ZNF565: variants seen among roughly 807,000 people sequenced by gnomAD.
ZNF565 encodes the protein zinc finger protein 565.
Under a neutral mutation model 39.4 loss-of-function variants are expected in ZNF565, and 27 were observed. That is an observed-to-expected ratio of 0.69 (90% CI 0.51 to 0.95). The LOEUF (loss-of-function observed/expected upper bound fraction) is 0.95. Ranked by LOEUF, ZNF565 falls within the 40% of genes least tolerant of loss-of-function variation. ZNF565 has a pLI of 0.00. For synonymous variants in ZNF565, 185 were observed against 216.6 expected (o/e 0.85, Z 1.28); for missense variants, 524 against 621.1 (o/e 0.84, Z 1.66).
rs1424414925 is a variant in ZNF565 at position 36,194,600 on chromosome 19, T to C, written c.137-272A>G. 10 of 475,894 alleles carry C rather than the reference T, an allele frequency of 2.1e-5. No homozygotes were observed. In the South Asian group the frequency reaches 2.1e-4, roughly 10 times the overall value. 29.5% of individuals were successfully genotyped at this position (475,894 alleles called of 1,614,324 possible). On this transcript the variant is annotated intron_variant, in intron 3 of 4. Transcript: ENST00000304116. ...ATTCCAGAAGGGTAGTCCTGAATTA[T>C]GTGGAGTAAATGTGTGGTGATCACT...
upstream of ZNF565, among the ~76,000 whole-genome samples, chr19:36,216,809 G>A (rs182898520): frequency 1.1e-3 from 122 of 112,838 alleles, no homozygotes; most frequent in Middle Eastern, 4.7e-3. Context: ...GGGGAGATGG[G>A]GACCCAACAC....
chr19:36,240,676 C>G (rs1271568866), intron 1 of ZNF565, among the ~76,000 whole-genome samples: 1 of 152,018 alleles, frequency 6.6e-6, no homozygotes, highest in South Asian at 2.1e-4. Flanking sequence ...CAATACCAGC[C>G]TGGCCAACAT....
rs918797956 is a variant in ZNF565, at chr19:36,237,486, G to A, written c.55+7990C>T. 39 of 754,534 alleles carry A rather than the reference G, an allele frequency of 5.2e-5. No homozygotes were observed. The East Asian group carries it at 8.6e-4, about 17-fold the overall frequency. The allele number at this position is 754,534 out of a possible 1,614,324, so 46.7% of individuals were successfully genotyped here. A position where few individuals can be genotyped will look rare whatever the true frequency, so the allele number is the denominator to read the frequency against. On this transcript the variant is annotated intron_variant, in intron 1 of 4. Coordinates refer to the ZNF565 transcript ENST00000355114. ...AAATTTGTACTGAAGAGAAAGACAT[G>A]CATATGATTAAAACCCTGTGTCCAA... is the stretch of plus-strand genomic sequence containing the variant.
chr19:36,199,444 A>C (rs546777596), intron 2 of ZNF565, among the ~76,000 whole-genome samples: 1 of 151,858 alleles, frequency 6.6e-6, no homozygotes, highest in South Asian at 2.1e-4. Flanking sequence ...GTGGGCTTCT[A>C]TTGCAAACAC....
rs575262874 is a variant in ZNF565, at chr19:36,188,747, A to C, written c.233-5014T>G. Among the ~76,000 whole-genome samples, 9 of 152,180 alleles carry C rather than the reference A, an allele frequency of 5.9e-5. No homozygotes were observed. In the South Asian group the frequency reaches 1.9e-3, roughly 32 times the overall value. ...AAAAACAAAACAACAACAACAACAA[A>C]AAACAGATGAGTGAATAAACAAAGT... is the stretch of plus-strand genomic sequence containing the variant. On this transcript the variant is annotated intron_variant, in intron 4 of 4. Coordinates refer to ENST00000304116, the MANE Select transcript of ZNF565 (RefSeq NM_152477.5).
At chr19:36,206,893 CAA>C (rs543230438) in intron 1 of ZNF565, among the ~76,000 whole-genome samples, 161 of 152,176 alleles carry the variant, frequency 1.1e-3, no homozygotes, top group African/African-American at 3.7e-3. Context: ...CAGATAAAAA[CAA>C]AGAAGATTAA....
At chr19:36,223,262 CA>C (rs1426557244) in intron 1 of ZNF565, among the ~76,000 whole-genome samples, 1 of 149,348 alleles carries the variant, frequency 6.7e-6, no homozygotes, top group Non-Finnish European at 1.5e-5. Flanking sequence ...ACTAAAAATA[CA>C]AAAAATTTAG....
chr19:36,188,276 AC>A (rs1226614277), intron 4 of ZNF565, among the ~76,000 whole-genome samples: 1 of 151,528 alleles, frequency 6.6e-6, no homozygotes, highest in Non-Finnish European at 1.5e-5. Context: ...AATCACTTGA[AC>A]CTGGGAGGCG....
chr19:36,222,976 C>A (rs1442044569), intron 1 of ZNF565, among the ~76,000 whole-genome samples: 1 of 151,788 alleles, frequency 6.6e-6, no homozygotes, highest in African/African-American at 2.4e-5. Context: ...CACCAAAGAC[C>A]TTTTTATTCA....
chr19:36,201,876 T>A, intron 2 of ZNF565, 101 bp downstream of exon 2: 2 of 1,410,094 alleles, frequency 1.4e-6, no homozygotes, highest in East Asian at 2.3e-5. Context: ...ATGGACCAAC[T>A]GTGAGAAGGA....
chr19:36,223,766 G>C (rs1018553531), intron 1 of ZNF565, among the ~76,000 whole-genome samples: 2 of 151,604 alleles, frequency 1.3e-5, no homozygotes, highest in Non-Finnish European at 2.9e-5. Context: ...GATTGTTTTA[G>C]AGTTGGATCT....
chr19:36,204,019 G>A lies in ZNF565; in HGVS notation c.-65-1969C>T, dbSNP rs547815007. 5.2e-4 allele frequency among the ~76,000 whole-genome samples: 77 copies of A among 149,166 alleles called. 1 individual carries two copies. The highest frequency in any genetic ancestry group is 3.5e-3 in the Middle Eastern group (1 of 286). On this transcript the variant is annotated intron_variant, in intron 1 of 4. Coordinates refer to ENST00000304116, the MANE Select transcript of ZNF565 (RefSeq NM_152477.5). ...GGCTGGAGTGCAGTGGCACAATCTC[G>A]GATCACTGCAACCTCTGCCTCCCAT...
At chr19:36,199,197 G>C (rs1975868091) in intron 2 of ZNF565, among the ~76,000 whole-genome samples, 1 of 152,080 alleles carries the variant, frequency 6.6e-6, no homozygotes. Flanking sequence ...GCTGATGGAG[G>C]GTATACCTGA....
chr19:36,213,675 C>T (rs1976461391), intron 1 of ZNF565, among the ~76,000 whole-genome samples: 2 of 151,314 alleles, frequency 1.3e-5, no homozygotes, highest in Admixed American at 1.3e-4. Context: ...TGTGAGCCAC[C>T]GTGCCAGCCA....
At chr19:36,237,328 T>C in intron 1 of ZNF565, 2 of 1,571,230 alleles carry the variant, frequency 1.3e-6, no homozygotes, top group Non-Finnish European at 8.6e-7. Flanking sequence ...AAAAACCCCA[T>C]GAAAGCCTTG....
intron 1 of ZNF565, among the ~76,000 whole-genome samples, chr19:36,232,884 A>G (rs1977449040): frequency 6.6e-6 from 1 of 152,172 alleles, no homozygotes; most frequent in Non-Finnish European, 1.5e-5. Flanking sequence ...ATGCCCAGCC[A>G]TTCAATTATT....
intron 1 of ZNF565, among the ~76,000 whole-genome samples, chr19:36,226,870 G>A (rs1977089423): frequency 6.6e-6 from 1 of 152,092 alleles, no homozygotes; most frequent in Non-Finnish European, 1.5e-5. Flanking sequence ...TGGATCACCT[G>A]TGGTCGGGAG....
chr19:36,241,132 G>A (rs937499968), intron 1 of ZNF565, among the ~76,000 whole-genome samples: 2 of 152,186 alleles, frequency 1.3e-5, no homozygotes, highest in African/African-American at 4.8e-5. Context: ...TTGATACACT[G>A]TGGGCAACTG....
At chr19:36,231,330 C>T (rs577253896) in intron 1 of ZNF565, among the ~76,000 whole-genome samples, 1 of 152,258 alleles carries the variant, frequency 6.6e-6, no homozygotes, top group African/African-American at 2.4e-5. Flanking sequence ...CTGCCTCAGC[C>T]TCCTGAGTAG....
Sources: allele counts gnomAD v4.1 joint callset (sites outside exome capture counted in the v4.1 genomes callset), GRCh38; gene constraint gnomAD v4.1.1; transcripts MANE v1.5; gene names NCBI Gene and HGNC (gene_info 2026-07-23, HGNC 2026-07-21).